The following ATAD2 variants were observed in gnomAD, a reference collection of about 807,000 sequenced individuals.
ATAD2 encodes the protein ATPase family AAA domain containing 2.
Under a neutral mutation model 168.9 loss-of-function variants are expected in ATAD2, and 62 were observed. That is an observed-to-expected ratio of 0.37 (90% CI 0.30 to 0.45). ATAD2 has a LOEUF of 0.45. Ranked by LOEUF, ATAD2 falls within the 20% of genes least tolerant of loss-of-function variation. The pLI is 1.00. For synonymous variants in ATAD2, 613 were observed against 571.6 expected (o/e 1.07, Z -1.03); for missense variants, 1,419 against 1,667.8 (o/e 0.85, Z 2.60).
chr8:123,330,527 TA>T (rs1827749938), intron 24 of ATAD2, among the ~76,000 whole-genome samples: 1 of 152,112 alleles, frequency 6.6e-6, no homozygotes, highest in Admixed American at 6.5e-5. Context: ...CGTGCCCGGC[TA>T]ATTTTTTGTA....
intron 1 of ATAD2, among the ~76,000 whole-genome samples, chr8:123,410,190 C>T (rs547774368): frequency 1.3e-5 from 2 of 152,288 alleles, no homozygotes; most frequent in South Asian, 4.1e-4. Context: ...TTAACCAGAT[C>T]ATTGGAGTTT....
chr8:123,388,521 T>C (rs931136037), intron 1 of ATAD2, among the ~76,000 whole-genome samples: 1 of 151,946 alleles, frequency 6.6e-6, no homozygotes, highest in East Asian at 1.9e-4. Flanking sequence ...GCCTCCTGAG[T>C]AGCTGGGACT....
chr8:123,330,564 G>C (rs560804980), intron 24 of ATAD2, among the ~76,000 whole-genome samples: 1 of 152,072 alleles, frequency 6.6e-6, no homozygotes, highest in East Asian at 2.0e-4. Flanking sequence ...GGGTTTCACC[G>C]TGTTAGCCAG....
At chr8:123,365,371 T>C (rs1179349163) in intron 8 of ATAD2, among the ~76,000 whole-genome samples, 1 of 152,032 alleles carries the variant, frequency 6.6e-6, no homozygotes, top group African/African-American at 2.4e-5. Flanking sequence ...AATCTACAAA[T>C]TCAACATAAT....
rs768464594 is a variant in ATAD2, at chr8:123,359,331, T to G, written c.1272A>C (p.Arg424=). 3.8e-6 allele frequency: 6 copies of G among 1,596,472 alleles called. No individual in the cohort carries two copies. The highest frequency in any genetic ancestry group is 4.3e-6 in the Non-Finnish European group (5 of 1,171,102). ...VDPMQLDSSV[R]FDSVGGLSNH... is the part of the protein sequence containing the mutation. The stretch of plus-strand genomic sequence containing the variant: ...TAGACAGGCCACCAACACTATCAAA[T>G]CGTACCTGGTAATGGAAGCGAACAT... The change falls in exon 11 of 28, where the codon CGA becomes CGC. Residue 424 remains arginine, a synonymous_variant. Coordinates refer to ENST00000287394, the MANE Select transcript of ATAD2 (RefSeq NM_014109.4).
chr8:123,362,791 T>G (rs1281893884), intron 8 of ATAD2, among the ~76,000 whole-genome samples: 1 of 152,156 alleles, frequency 6.6e-6, no homozygotes, highest in African/African-American at 2.4e-5. Context: ...ACTTTTTAAA[T>G]GCTGGGAAAC....
At chr8:123,359,422 A>G in intron 10 of ATAD2, 86 bp from the exon 11 acceptor site, 2 of 1,232,094 alleles carry the variant, frequency 1.6e-6, no homozygotes, top group East Asian at 2.3e-5. Context: ...CAATGAAGTA[A>G]TAATATCTTA....
At chr8:123,372,133 A>G (rs1200682059) in intron 3 of ATAD2, among the ~76,000 whole-genome samples, 1 of 152,190 alleles carries the variant, frequency 6.6e-6, no homozygotes, top group Non-Finnish European at 1.5e-5. Context: ...AAGTCCATCA[A>G]AAGGTGAAGA....
intron 1 of ATAD2, among the ~76,000 whole-genome samples, chr8:123,407,150 C>A (rs1229780588): frequency 6.6e-6 from 1 of 152,140 alleles, no homozygotes; most frequent in Non-Finnish European, 1.5e-5. Flanking sequence ...CACTGCAAGC[C>A]AGGAGAGAAG....
chr8:123,354,864 A>AAAAAAAATATAT (rs1554644338), intron 13 of ATAD2, among the ~76,000 whole-genome samples: 2 of 64,714 alleles, frequency 3.1e-5, no homozygotes, highest in African/African-American at 1.7e-4. Flanking sequence ...AAAAAAAAAA[A>AAAAAAAATATAT]ATATATATAT....
In ATAD2 at chr8:123,346,131, A is replaced by T. The variant is rs1828233491; in HGVS notation, c.2487T>A (p.Val829=). The T allele has an allele frequency of 6.3e-7, 1 of 1,599,606 alleles. No individual in the cohort carries two copies. Among genetic ancestry groups the T allele is most frequent in the African/African-American group, 1.4e-5 (1 of 73,724 alleles). The part of the protein sequence containing the change: ...KFTVYTLDIP[V]LFGVSTTSPE... ...GGGATGTAGTACTAACTCCAAAAAG[A>T]ACAGGAATGTCTAATGTATATACAG... The change falls in exon 18 of 28, where the codon GTT becomes GTA. Residue 829 remains valine (V), a synonymous_variant. Transcript: ENST00000287394.
intron 8 of ATAD2, among the ~76,000 whole-genome samples, chr8:123,363,428 C>T (rs1023224245): frequency 3.3e-5 from 5 of 152,052 alleles, no homozygotes; most frequent in African/African-American, 1.2e-4. Flanking sequence ...TCTGTAAATC[C>T]AGCCAAAAAG....
intron 18 of ATAD2, among the ~76,000 whole-genome samples, chr8:123,345,549 C>T (rs1828211264): frequency 6.7e-6 from 1 of 150,182 alleles, no homozygotes; most frequent in African/African-American, 2.5e-5. Flanking sequence ...TGGCGGCATG[C>T]ATTGCACCTG....
At chr8:123,399,279 A>G (rs1050136295), upstream of ATAD2, among the ~76,000 whole-genome samples, 5 of 151,820 alleles carry the variant, frequency 3.3e-5, no homozygotes, top group South Asian at 6.2e-4. Flanking sequence ...AAAAAACCAC[A>G]CGACTATATA....
intron 1 of ATAD2, among the ~76,000 whole-genome samples, chr8:123,389,441 C>T (rs537079492): frequency 6.6e-6 from 1 of 150,450 alleles, no homozygotes; most frequent in East Asian, 2.0e-4. Flanking sequence ...AGATTGAGAC[C>T]ATCCTGGCTA....
At chr8:123,377,170 AG>A (rs908732274) in intron 2 of ATAD2, among the ~76,000 whole-genome samples, 1 of 143,604 alleles carries the variant, frequency 7.0e-6, no homozygotes, top group African/African-American at 2.6e-5. Context: ...CTGAGGTGGG[AG>A]GACCACTGGA....
At chr8:123,369,247 A>G in intron 7 of ATAD2, 72 bp from the exon 8 acceptor site, 1 of 572,390 alleles carries the variant, frequency 1.7e-6, no homozygotes, top group Non-Finnish European at 2.4e-6. Context: ...TATGAAGATA[A>G]TTTTGCTCTT....
chr8:123,349,464 G>T lies in ATAD2; in HGVS notation c.1647-20C>A. On this transcript the variant is annotated intron_variant, in intron 13 of 27. Transcript: ENST00000287394. ...ATAGAACTAAATTTTAAAAATAAGA[G>T]AGAAGAGATTAATACTATGAACACA... The T allele has an allele frequency of 1.2e-6, 2 of 1,601,610 alleles. No homozygotes were observed. Among genetic ancestry groups the T allele is most frequent in the South Asian group, 1.1e-5 (1 of 90,592 alleles).
intron 24 of ATAD2, among the ~76,000 whole-genome samples, chr8:123,332,368 G>A (rs1212995345): frequency 6.6e-6 from 1 of 152,168 alleles, no homozygotes; most frequent in Admixed American, 6.5e-5. Context: ...CACCCAGATT[G>A]AGAAACAGAA....
Sources: gnomAD v4.1 joint callset for allele counts (sites outside exome capture counted in the v4.1 genomes callset) on GRCh38, gnomAD v4.1.1 for gene constraint, MANE v1.5 for transcripts, NCBI Gene and HGNC (gene_info 2026-07-23, HGNC 2026-07-21) for gene names.